The following SLC22A11 variants were observed in gnomAD, a reference collection of about 807,000 sequenced individuals.
SLC22A11 encodes solute carrier family 22 member 11.
In SLC22A11, 42 loss-of-function variants were observed where a neutral mutation model predicts 49.4. The ratio of observed to expected loss-of-function variants is 0.85; its 90% CI spans 0.66 to 1.10. The LOEUF (loss-of-function observed/expected upper bound fraction) is 1.10, where lower values mean the gene tolerates loss of function less well. Ranked by LOEUF, SLC22A11 falls within the 50% of genes least tolerant of loss-of-function variation. The pLI, the probability that SLC22A11 is intolerant of heterozygous loss-of-function variation, is 0.00. For synonymous variants in SLC22A11, 304 were observed against 315.8 expected (o/e 0.96, Z 0.40); for missense variants, 685 against 731.6 (o/e 0.94, Z 0.74).
chr11:64,565,334 T>C lies in SLC22A11; in HGVS notation c.1055T>C (p.Val352Ala). The C allele has an allele frequency of 6.5e-7, 1 of 1,548,538 alleles. No individual in the cohort carries two copies. The highest frequency in any genetic ancestry group is 8.7e-7 in the Non-Finnish European group (1 of 1,146,812). ...LRWRSCAMLV[V>A]NFSLLISYYG... ...TGGAGGAGCTGCGCCATGCTGGTGGTGAAGTACGCCGTCCTGGTGTCCCTC... is the reference window on the plus strand; with the variant it reads ...TGGAGGAGCTGCGCCATGCTGGTGGCGAAGTACGCCGTCCTGGTGTCCCTC... The change falls in exon 6 of 10, where the codon GTG becomes GCG. Residue 352 changes from valine (V) to alanine (A), a missense_variant. Physicochemically the swap from Val to Ala is moderately conservative, Grantham distance 64. Transcript: ENST00000301891. This position sits in a 1 kb window ranked among gnomAD's most constrained non-coding sequence, Gnocchi z 4.1.
chr11:64,563,610 T>TAAAAAAAAAAAAAAAAAAA (rs869085115), intron 4 of SLC22A11, among the ~76,000 whole-genome samples: 2 of 43,858 alleles, frequency 4.6e-5, no homozygotes, highest in Non-Finnish European at 7.6e-5. Context: ...TTAAATGTGC[T>TAAAAAAAAAAAAAAAAAAA]AAAAAAAAAA....
In SLC22A11 at chr11:64,569,945, TC is replaced by T. The variant is rs1361606852; in HGVS notation, c.1589+88del. ...GGCCTGGGCTGCCCAGGGCAAAGGC[TC>T]AAGAGTACCAAGGCCTGTGTTTCTG... On this transcript the variant is annotated intron_variant, in intron 9 of 9. Coordinates refer to ENST00000301891, the MANE Select transcript of SLC22A11 (RefSeq NM_018484.4). The T allele has an allele frequency of 2.4e-6, 3 of 1,247,366 alleles. No homozygotes were observed. In the Admixed American group the frequency reaches 5.8e-5, roughly 24 times the overall value. The allele number at this position is 1,247,366 out of a possible 1,614,324, so 77.3% of individuals were successfully genotyped here. A position where few individuals can be genotyped will look rare whatever the true frequency, so the allele number is the denominator to read the frequency against.
Position 64,563,147 on chromosome 11 carries a change from C to A in SLC22A11, c.821+712C>A, listed in dbSNP as rs548196594. ...AAAACCAGTGGCCCCGTGGAGCTTA[C>A]GTTTCATACACAGATCAATAAGTGA... On this transcript the variant is annotated intron_variant, in intron 4 of 9. Coordinates refer to ENST00000301891, the MANE Select transcript of SLC22A11 (RefSeq NM_018484.4). Among the ~76,000 whole-genome samples the A allele has an allele frequency of 5.9e-5, 9 of 152,160 alleles. No homozygotes were observed. The East Asian group carries it at 1.7e-3, about 29-fold the overall frequency.
intron 4 of SLC22A11, among the ~76,000 whole-genome samples, chr11:64,563,508 C>A (rs1188710515): frequency 6.7e-6 from 1 of 148,794 alleles, no homozygotes; most frequent in Non-Finnish European, 1.5e-5. Context: ...GTGCCTTCCA[C>A]CAGGAAAGTG....
rs77393061 is a variant in SLC22A11 at position 64,565,419 on chromosome 11, C to G, written c.1058+82C>G. On this transcript the variant is annotated intron_variant, in intron 6 of 9. Coordinates refer to ENST00000301891, the MANE Select transcript of SLC22A11 (RefSeq NM_018484.4). This position sits in a 1 kb window ranked among gnomAD's most constrained non-coding sequence, Gnocchi z 4.1. ...CTGGGACAGGCAGGAGGCAGAGCGTCCAGGGGAAACAGCACCCGCAGGCCT... is the reference window on the plus strand; with the variant it reads ...CTGGGACAGGCAGGAGGCAGAGCGTGCAGGGGAAACAGCACCCGCAGGCCT... 1,210 of 1,174,648 alleles carry G rather than the reference C, an allele frequency of 1.0e-3. 10 individuals are homozygous for G. In the African/African-American group the frequency reaches 0.016, roughly 15 times the overall value. The allele number at this position is 1,174,648 out of a possible 1,614,324, so 72.8% of individuals were successfully genotyped here. A position where few individuals can be genotyped will look rare whatever the true frequency, so the allele number is the denominator to read the frequency against.
At chr11:64,567,334 G>A (rs1019664282) in intron 6 of SLC22A11, among the ~76,000 whole-genome samples, 21 of 152,238 alleles carry the variant, frequency 1.4e-4, no homozygotes, top group Non-Finnish European at 2.8e-4. Context: ...GAGAGGCAAC[G>A]CCCCAGCGCA....
intron 2 of SLC22A11, 50 bp from the exon 3 acceptor site, chr11:64,561,954 C>A: frequency 6.4e-7 from 1 of 1,563,326 alleles, no homozygotes; most frequent in Non-Finnish European, 8.7e-7. Context: ...CACATATCCA[C>A]GTCCTCAGGG....
At position 64,567,556 on chromosome 11, in the gene SLC22A11, C is replaced by T. The variant is rs779795944; in HGVS notation, c.1059-43C>T. On this transcript the variant is annotated intron_variant, in intron 6 of 9. Transcript: ENST00000301891. ...GGTGCTGTTGCTGTTGGGGTGCCCT[C>T]TCCCCGGCAGGGCAGGGACCTGACT... 4.4e-6 allele frequency: 7 copies of T among 1,587,366 alleles called. No individual in the cohort carries two copies. The African/African-American group carries it at 6.7e-5, about 15-fold the overall frequency.
Position 64,565,084 on chromosome 11 carries a change from C to T in SLC22A11, c.943-138C>T, listed in dbSNP as rs1355479856. Reference sequence around the variant, plus strand: ...TTCTGCCCCATCCCCTCCCCTTCCCCTAGGGATCCAGCTTCCAGAGGCCGA... The same window carrying T: ...TTCTGCCCCATCCCCTCCCCTTCCCTTAGGGATCCAGCTTCCAGAGGCCGA... On this transcript the variant is annotated intron_variant, in intron 5 of 9. Coordinates refer to ENST00000301891, the MANE Select transcript of SLC22A11 (RefSeq NM_018484.4). The surrounding 1 kb of genome is among the most constrained non-coding windows in gnomAD (Gnocchi z 4.1). 1.5e-6 allele frequency: 1 copy of T among 659,140 alleles called. No homozygotes were observed. Among genetic ancestry groups the T allele is most frequent in the African/African-American group, 1.8e-5 (1 of 54,732 alleles). The allele number at this position is 659,140 out of a possible 1,614,324, so 40.8% of individuals were successfully genotyped here. A position where few individuals can be genotyped will look rare whatever the true frequency, so the allele number is the denominator to read the frequency against.
intron 6 of SLC22A11, chr11:64,566,249 A>C (rs77963007): frequency 7.1e-6 from 1 of 139,876 alleles, no homozygotes; most frequent in Non-Finnish European, 1.5e-5. Flanking sequence ...CCGTCAAAGG[A>C]AAAAAAAAAA....
rs2038591130 is a variant in SLC22A11, at chr11:64,564,236, A to T, written c.822-72A>T. 5 of 1,593,258 alleles carry T rather than the reference A, an allele frequency of 3.1e-6. No homozygotes were observed. Among genetic ancestry groups the T allele is most frequent in the Non-Finnish European group, 4.3e-6 (5 of 1,167,138 alleles). On this transcript the variant is annotated intron_variant, in intron 4 of 9. Transcript: ENST00000301891. The surrounding 1 kb of genome is among the most constrained non-coding windows in gnomAD (Gnocchi z 4.2). Reference sequence around the variant, plus strand: ...CATCTCAGCTGGAGGGTCCGTGCCCACTGCCCCTTTCCACCCCGCCCCGGG... The same window carrying T: ...CATCTCAGCTGGAGGGTCCGTGCCCTCTGCCCCTTTCCACCCCGCCCCGGG...
In SLC22A11 at chr11:64,565,425, G is replaced by T. The variant is rs267603101; in HGVS notation, c.1058+88G>T. 9.0e-7 allele frequency: 1 copy of T among 1,110,414 alleles called. No homozygotes were observed. The highest frequency in any genetic ancestry group is 1.3e-6 in the Non-Finnish European group (1 of 758,824). The allele number at this position is 1,110,414 out of a possible 1,614,324, so 68.8% of individuals were successfully genotyped here. ...CAGGCAGGAGGCAGAGCGTCCAGGGGAAACAGCACCCGCAGGCCTCAAGGG... is the reference window on the plus strand; with the variant it reads ...CAGGCAGGAGGCAGAGCGTCCAGGGTAAACAGCACCCGCAGGCCTCAAGGG... On this transcript the variant is annotated intron_variant, in intron 6 of 9. Transcript: ENST00000301891. The surrounding 1 kb of genome is among the most constrained non-coding windows in gnomAD (Gnocchi z 4.1).
chr11:64,567,858 G>A (rs563561619), intron 7 of SLC22A11, 45 bp downstream of exon 7: 12 of 1,531,066 alleles, frequency 7.8e-6, no homozygotes, highest in South Asian at 3.6e-5. Flanking sequence ...CTGCTTCCCC[G>A]CCCACCCCAC....
rs1183470671 is a variant in SLC22A11, at chr11:64,556,130, T to C, written c.131T>C (p.Ile44Thr). 4 of 1,613,968 alleles carry C rather than the reference T, an allele frequency of 2.5e-6. No homozygotes were observed. The highest frequency in any genetic ancestry group is 2.2e-5 in the East Asian group (1 of 44,886). ...CTCCTGGAGAACTTCTCAGCCGCCATCCCAGGCCACCGATGCTGGACACAC... is the reference window on the plus strand; with the variant it reads ...CTCCTGGAGAACTTCTCAGCCGCCACCCCAGGCCACCGATGCTGGACACAC... ...QMLLENFSAA[I>T]PGHRCWTHML... Residue 44 changes from isoleucine to threonine, a missense_variant, in exon 1 of 10, where the codon ATC becomes ACC. Ile to Thr is a moderately conservative substitution (Grantham distance 89). Transcript: ENST00000301891.
At position 64,571,005 on chromosome 11, in the gene SLC22A11, G is replaced by A. The variant is rs377040676; in HGVS notation, c.1616G>A (p.Arg539Gln). 2.8e-5 allele frequency: 45 copies of A among 1,614,084 alleles called. No individual in the cohort carries two copies. In the Middle Eastern group the frequency reaches 4.9e-4, roughly 18 times the overall value. The change falls in exon 10 of 10, where the codon CGG becomes CAG. Residue 539 changes from arginine to glutamine, a missense_variant. Physicochemically the swap from Arg to Gln is conservative, Grantham distance 43. Coordinates refer to ENST00000301891, the MANE Select transcript of SLC22A11 (RefSeq NM_018484.4). The part of the protein sequence containing the change: ...SQKSTAAQGN[R>Q]QEAVTVESTS... ...AAATCAACAGCAGCCCAGGGCAACCGGCAAGAGGCCGTCACTGTGGAAAGT... is the reference window on the plus strand; with the variant it reads ...AAATCAACAGCAGCCCAGGGCAACCAGCAAGAGGCCGTCACTGTGGAAAGT...
At chr11:64,557,980 TAG>T (rs1394613558) in intron 1 of SLC22A11, among the ~76,000 whole-genome samples, 3 of 152,052 alleles carry the variant, frequency 2.0e-5, no homozygotes, top group Non-Finnish European at 4.4e-5. Flanking sequence ...GTATTTTTAG[TAG>T]AGAAGGGGTT....
chr11:64,564,795 A>T lies in SLC22A11; in HGVS notation c.942+367A>T, dbSNP rs1031812338. ...ATCGGTAACAGCACCATCATTATCA[A>T]CAGCACCCACACCGTCACCTCCATC... On this transcript the variant is annotated intron_variant, in intron 5 of 9. Coordinates refer to ENST00000301891, the MANE Select transcript of SLC22A11 (RefSeq NM_018484.4). This position sits in a 1 kb window ranked among gnomAD's most constrained non-coding sequence, Gnocchi z 4.2. Among the ~76,000 whole-genome samples the T allele has an allele frequency of 6.6e-6, 1 of 151,870 alleles. No homozygotes were observed. The highest frequency in any genetic ancestry group is 2.4e-5 in the African/African-American group (1 of 41,340).
Position 64,562,755 on chromosome 11 carries a change from A to G in SLC22A11, c.821+320A>G, listed in dbSNP as rs568425958. ...ATCAGAAGATTTTCAAAAACAAACA[A>G]AAACAGTATTTTTTACCTTCTTTGG... is the stretch of plus-strand genomic sequence containing the variant. On this transcript the variant is annotated intron_variant, in intron 4 of 9. Transcript: ENST00000301891. This position sits in a 1 kb window ranked among gnomAD's most constrained non-coding sequence, Gnocchi z 4.4. 6.6e-6 allele frequency among the ~76,000 whole-genome samples: 1 copy of G among 152,340 alleles called. No individual in the cohort carries two copies. Among genetic ancestry groups the G allele is most frequent in the African/African-American group, 2.4e-5 (1 of 41,584 alleles).
intron 7 of SLC22A11, 65 bp from the exon 8 acceptor site, chr11:64,568,605 C>T: frequency 7.3e-7 from 1 of 1,377,354 alleles, no homozygotes; most frequent in East Asian, 2.3e-5. Flanking sequence ...TGGCTGGCCG[C>T]ACACTGACTA....
Sources: allele counts gnomAD v4.1 joint callset (sites outside exome capture counted in the v4.1 genomes callset), GRCh38; gene constraint gnomAD v4.1.1; non-coding constraint Gnocchi (gnomAD v3.1); transcripts MANE v1.5; gene names NCBI Gene and HGNC (gene_info 2026-07-23, HGNC 2026-07-21).